Variants in KCNH8 observed in about 807,000 individuals in gnomAD.
KCNH8 encodes the protein voltage-gated delayed rectifier potassium channel KCNH8.
KCNH8 carries 70 observed loss-of-function variants against 103.6 expected under a neutral mutation model. That is an observed-to-expected ratio of 0.68 (90% CI 0.56 to 0.82). The LOEUF (loss-of-function observed/expected upper bound fraction) is 0.82, where lower values mean the gene tolerates loss of function less well. KCNH8 is among the 40% of genes least tolerant of loss of function. The pLI is 0.00. For missense variants in KCNH8, 1,217 were observed against 1,329.9 expected, an observed-to-expected ratio of 0.92 and a Z score of 1.32; for synonymous variants, 498 against 489.4, an observed-to-expected ratio of 1.02 and a Z score of -0.23.
At chr3:19,470,444 T>C (rs17005994) in intron 11 of KCNH8, among the ~76,000 whole-genome samples, 7,229 of 152,254 alleles carry the variant, frequency 0.047, 496 homozygotes, top group African/African-American at 0.15. Context: ...AGAAATATGG[T>C]CTCAGACATC....
chr3:19,511,463 T>A (rs1480807800), intron 12 of KCNH8, among the ~76,000 whole-genome samples: 1 of 152,176 alleles, frequency 6.6e-6, no homozygotes, highest in Non-Finnish European at 1.5e-5. Context: ...CCAATGCAAA[T>A]GTAAACAGAA....
chr3:19,315,868 G>A (rs906586409), intron 3 of KCNH8, among the ~76,000 whole-genome samples: 32 of 151,844 alleles, frequency 2.1e-4, no homozygotes, highest in African/African-American at 7.5e-4. Flanking sequence ...TTGGCCACAC[G>A]TATATAAGAA....
chr3:19,396,453 T>C (rs2066519529), intron 7 of KCNH8, among the ~76,000 whole-genome samples: 1 of 152,030 alleles, frequency 6.6e-6, no homozygotes, highest in South Asian at 2.1e-4. Context: ...CCTCTTCACA[T>C]CCCAATTTTA....
chr3:19,397,541 A>G (rs1014875325), intron 7 of KCNH8, among the ~76,000 whole-genome samples: 6 of 150,168 alleles, frequency 4.0e-5, no homozygotes, highest in Non-Finnish European at 7.4e-5. Context: ...ATACACACAT[A>G]TATATATATG....
chr3:19,342,752 T>TC (rs2065678435), intron 4 of KCNH8, 38 bp downstream of exon 4: 2 of 1,550,770 alleles, frequency 1.3e-6, no homozygotes, highest in Non-Finnish European at 1.8e-6. Flanking sequence ...TGCTAGTGTT[T>TC]CCCCTGGTGG....
intron 3 of KCNH8, 27 bp downstream of exon 3, chr3:19,281,356 A>T: frequency 1.3e-6 from 2 of 1,564,212 alleles, no homozygotes; most frequent in Non-Finnish European, 1.7e-6. Flanking sequence ...GAAAACATTG[A>T]CAGATGGAGT....
intron 2 of KCNH8, among the ~76,000 whole-genome samples, chr3:19,275,577 T>C (rs982748021): frequency 1.3e-5 from 2 of 152,148 alleles, no homozygotes; most frequent in African/African-American, 2.4e-5. Context: ...GGAAGAAATG[T>C]TCACTGCAGA....
At chr3:19,426,568 G>A (rs1233166984) in intron 7 of KCNH8, among the ~76,000 whole-genome samples, 1 of 150,764 alleles carries the variant, frequency 6.6e-6, no homozygotes, top group African/African-American at 2.4e-5. Context: ...AAGATATGAA[G>A]TAAATTTTGT....
intron 3 of KCNH8, among the ~76,000 whole-genome samples, chr3:19,296,399 G>C (rs988705864): frequency 1.3e-5 from 2 of 152,212 alleles, no homozygotes; most frequent in Non-Finnish European, 2.9e-5. Context: ...ATATTAACTA[G>C]AAAGCTGCTA....
intron 1 of KCNH8, among the ~76,000 whole-genome samples, chr3:19,229,295 A>C (rs1434954260): frequency 1.3e-5 from 2 of 152,218 alleles, no homozygotes; most frequent in Non-Finnish European, 2.9e-5. Flanking sequence ...CTCCAACACC[A>C]CATTTCCCTT....
chr3:19,453,792 T>C (rs2067487368), intron 10 of KCNH8, among the ~76,000 whole-genome samples: 1 of 152,174 alleles, frequency 6.6e-6, no homozygotes, highest in Non-Finnish European at 1.5e-5. Context: ...CCTGCAGAAC[T>C]ATGAGAAATA....
intron 4 of KCNH8, among the ~76,000 whole-genome samples, chr3:19,345,815 T>C (rs567846629): frequency 6.6e-6 from 1 of 152,098 alleles, no homozygotes; most frequent in Non-Finnish European, 1.5e-5. Context: ...GAATTCTCAG[T>C]ATCTTTTTAA....
intron 5 of KCNH8, among the ~76,000 whole-genome samples, chr3:19,385,706 A>G (rs1477700397): frequency 3.3e-5 from 5 of 152,164 alleles, no homozygotes; most frequent in African/African-American, 1.2e-4. Context: ...CTCTTCATTG[A>G]TCAGCTCTCT....
chr3:19,285,021 GAA>G (rs1200037547), intron 3 of KCNH8, among the ~76,000 whole-genome samples: 1 of 151,928 alleles, frequency 6.6e-6, no homozygotes, highest in Non-Finnish European at 1.5e-5. Flanking sequence ...GAAGGATTAA[GAA>G]AAACATTCAC....
intron 7 of KCNH8, among the ~76,000 whole-genome samples, chr3:19,412,143 T>C (rs1207663670): frequency 3.3e-5 from 5 of 151,958 alleles, no homozygotes; most frequent in African/African-American, 4.8e-5. Flanking sequence ...CTTCAAAGCA[T>C]ACTATAAGGC....
chr3:19,329,836 A>G (rs1336503170), intron 3 of KCNH8, among the ~76,000 whole-genome samples: 1 of 152,142 alleles, frequency 6.6e-6, no homozygotes, highest in Non-Finnish European at 1.5e-5. Flanking sequence ...ATTATGGAAT[A>G]CACAAGTGGC....
At chr3:19,457,871 T>C (rs1222470377) in intron 11 of KCNH8, among the ~76,000 whole-genome samples, 1 of 152,028 alleles carries the variant, frequency 6.6e-6, no homozygotes, top group African/African-American at 2.4e-5. Flanking sequence ...TTATCTTGGT[T>C]GGGGCTATCT....
At chr3:19,200,958 G>A (rs146770062) in intron 1 of KCNH8, among the ~76,000 whole-genome samples, 6 of 151,592 alleles carry the variant, frequency 4.0e-5, no homozygotes, top group Admixed American at 6.6e-5. Flanking sequence ...ACGGCCGGGC[G>A]CTGTGGCTCA....
intron 3 of KCNH8, among the ~76,000 whole-genome samples, chr3:19,322,043 C>T (rs1359175875): frequency 6.6e-6 from 1 of 151,858 alleles, no homozygotes; most frequent in Non-Finnish European, 1.5e-5. Context: ...CATAGAATAT[C>T]TTTTTCCACC....
Sources: allele counts gnomAD v4.1 joint callset (sites outside exome capture counted in the v4.1 genomes callset), GRCh38; gene constraint gnomAD v4.1.1; transcripts MANE v1.5; gene names NCBI Gene and HGNC (gene_info 2026-07-23, HGNC 2026-07-21).